The following TMCO4 variants were observed in gnomAD, a reference collection of about 807,000 sequenced individuals.
The protein encoded by TMCO4 is transmembrane and coiled-coil domains 4.
Under a neutral mutation model 64.7 loss-of-function variants are expected in TMCO4, and 58 were observed. The ratio of observed to expected loss-of-function variants is 0.90; its 90% CI spans 0.73 to 1.12. TMCO4 has a LOEUF of 1.12. TMCO4 is among the 50% of genes most tolerant of loss of function. TMCO4 has a pLI of 0.00. For synonymous variants in TMCO4, 325 were observed against 346.1 expected (o/e 0.94, Z 0.68); for missense variants, 780 against 825.9 (o/e 0.94, Z 0.68).
chr1:19,699,602 G>T (rs1347512245), intron 14 of TMCO4, among the ~76,000 whole-genome samples: 4 of 151,672 alleles, frequency 2.6e-5, no homozygotes, highest in Non-Finnish European at 5.9e-5. Context: ...ACTGCCACCT[G>T]GAGTACAGTG....
intron 10 of TMCO4, among the ~76,000 whole-genome samples, chr1:19,742,225 A>G (rs924563463): frequency 1.3e-5 from 2 of 152,038 alleles, no homozygotes; most frequent in African/African-American, 2.4e-5. Flanking sequence ...ACTTTTCCCC[A>G]TAAGTTCTTA....
At chr1:19,773,911 G>C (rs2043095249) in intron 4 of TMCO4, among the ~76,000 whole-genome samples, 2 of 152,264 alleles carry the variant, frequency 1.3e-5, no homozygotes, top group African/African-American at 2.4e-5. Flanking sequence ...ACCACCTGGG[G>C]GAGTCCTGGT....
intron 13 of TMCO4, among the ~76,000 whole-genome samples, chr1:19,706,786 A>G (rs1185109826): frequency 6.6e-6 from 1 of 152,098 alleles, no homozygotes; most frequent in Non-Finnish European, 1.5e-5. Context: ...TTTCTTTCCA[A>G]CACTTTCTTT....
In TMCO4 at chr1:19,732,518, ACCT is replaced by A. The variant is rs200791640; in HGVS notation, c.1264+4851_1264+4853del. Among the ~76,000 whole-genome samples, 3,290 of 151,724 alleles carry A rather than the reference ACCT, an allele frequency of 0.022. 40 individuals are homozygous for A. The highest frequency in any genetic ancestry group is 0.04 in the South Asian group (192 of 4,800). On this transcript the variant is annotated intron_variant, in intron 13 of 15. Transcript: ENST00000294543. This position sits in a 1 kb window ranked among gnomAD's most constrained non-coding sequence, Gnocchi z 4.8. ...CACAGGATGACCAGCGTCCTTTCTC[ACCT>A]CCTCTCTAGATGATCAATGAGGCAG...
chr1:19,740,640 G>A, intron 11 of TMCO4, 137 bp downstream of exon 11: 1 of 986,924 alleles, frequency 1.0e-6, no homozygotes, highest in Non-Finnish European at 1.5e-6. Context: ...CAGGAATGCG[G>A]CCTTAACCTC....
At chr1:19,772,346 A>AGT (rs1400231735) in intron 4 of TMCO4, among the ~76,000 whole-genome samples, 1 of 152,112 alleles carries the variant, frequency 6.6e-6, no homozygotes, top group African/African-American at 2.4e-5. Context: ...AAGTGGAAGA[A>AGT]GTGAAGGGAA....
At chr1:19,759,406 C>G (rs1026992564) in intron 6 of TMCO4, among the ~76,000 whole-genome samples, 1 of 152,178 alleles carries the variant, frequency 6.6e-6, no homozygotes, top group African/African-American at 2.4e-5. Flanking sequence ...ATCATCAATC[C>G]GGTCATGTTC....
intron 6 of TMCO4, among the ~76,000 whole-genome samples, chr1:19,763,410 GGA>G (rs1322558416): frequency 3.3e-5 from 5 of 152,168 alleles, no homozygotes; most frequent in Non-Finnish European, 5.9e-5. Context: ...TTTTGTTGAG[GGA>G]CAATAAGAGG....
rs1334056116 is a variant in TMCO4 at position 19,682,859 on chromosome 1, G to A, written c.*181C>T. The A allele has an allele frequency of 1.1e-5, 10 of 907,802 alleles. 1 individual carries two copies. Among genetic ancestry groups the A allele is most frequent in the Non-Finnish European group, 1.5e-5 (9 of 588,170 alleles). The allele number at this position is 907,802 out of a possible 1,614,324, so 56.2% of individuals were successfully genotyped here. ...GACAGGCAGCTTCCCAAGGGTGGGC[G>A]TGTTCTCTCCTCCAAATTCCCCTTC... On this transcript the variant is annotated 3_prime_UTR_variant, in exon 16 of 16. Coordinates refer to ENST00000294543, the MANE Select transcript of TMCO4 (RefSeq NM_181719.7).
intron 2 of TMCO4, among the ~76,000 whole-genome samples, chr1:19,794,766 T>C (rs968120288): frequency 6.6e-6 from 1 of 152,200 alleles, no homozygotes; most frequent in Non-Finnish European, 1.5e-5. Flanking sequence ...TACAGATGAA[T>C]AGATCAACAA....
rs145451823 is a variant in TMCO4 at position 19,700,968 on chromosome 1, T to A, written c.1265-83A>T. The A allele has an allele frequency of 5.3e-3, 5,674 of 1,064,400 alleles. 184 individuals are homozygous for A. In the Admixed American group the frequency reaches 0.069, roughly 13 times the overall value. The allele number at this position is 1,064,400 out of a possible 1,614,324, so 65.9% of individuals were successfully genotyped here. On this transcript the variant is annotated intron_variant, in intron 13 of 15. Coordinates refer to ENST00000294543, the MANE Select transcript of TMCO4 (RefSeq NM_181719.7). ...GGGACTCCAACAGCAGTGGAGGAGA[T>A]GAATGTCACACACATACACATGCAC...
rs561356035 is a variant in TMCO4, at chr1:19,736,129, A to G, written c.1264+1243T>C. Among the ~76,000 whole-genome samples, 17 of 152,338 alleles carry G rather than the reference A, an allele frequency of 1.1e-4. No individual in the cohort carries two copies. In the South Asian group the frequency reaches 3.3e-3, roughly 30 times the overall value. ...TGATCAGTTATTGCTGCTTTTGGCC[A>G]CCGTGTTTGGAGAGGCCGTTTTGCA... On this transcript the variant is annotated intron_variant, in intron 13 of 15. Coordinates refer to ENST00000294543, the MANE Select transcript of TMCO4 (RefSeq NM_181719.7).
intron 13 of TMCO4, among the ~76,000 whole-genome samples, chr1:19,731,315 T>C (rs1043666248): frequency 2.0e-5 from 3 of 152,232 alleles, no homozygotes; most frequent in African/African-American, 7.2e-5. Context: ...TCCCATTTAT[T>C]AACAGTTTCT....
chr1:19,740,044 T>A, intron 11 of TMCO4, 84 bp from the exon 12 acceptor site: 1 of 1,474,414 alleles, frequency 6.8e-7, no homozygotes, highest in Non-Finnish European at 9.1e-7. Context: ...GATGCTCAAA[T>A]AAATGCATGC....
chr1:19,701,984 CT>C, intron 13 of TMCO4, among the ~76,000 whole-genome samples: 1 of 151,942 alleles, frequency 6.6e-6, no homozygotes, highest in African/African-American at 2.4e-5. Context: ...TTATTTATTT[CT>C]TTGAGACAGA....
intron 2 of TMCO4, among the ~76,000 whole-genome samples, chr1:19,794,617 C>T (rs1234188405): frequency 1.3e-5 from 2 of 152,222 alleles, no homozygotes; most frequent in African/African-American, 4.8e-5. Context: ...CAAATTATAA[C>T]AGCACATGTT....
At chr1:19,684,058 G>A (rs1356545992) in intron 15 of TMCO4, among the ~76,000 whole-genome samples, 15 of 134,444 alleles carry the variant, frequency 1.1e-4, no homozygotes, top group African/African-American at 4.4e-4. Context: ...CACTGTGCCC[G>A]GCAGCTTTTT....
chr1:19,736,841 C>T (rs1203393082), intron 13 of TMCO4, among the ~76,000 whole-genome samples: 2 of 152,148 alleles, frequency 1.3e-5, no homozygotes, highest in African/African-American at 2.4e-5. Context: ...GTAAAAGGGT[C>T]GTTGCAGATA....
chr1:19,688,207 G>A (rs987331924), intron 15 of TMCO4, among the ~76,000 whole-genome samples: 4 of 152,110 alleles, frequency 2.6e-5, no homozygotes, highest in African/African-American at 7.2e-5. Flanking sequence ...ACCTGTCATC[G>A]TCACATGCTC....
Sources: gnomAD v4.1 joint callset for allele counts (sites outside exome capture counted in the v4.1 genomes callset) on GRCh38, gnomAD v4.1.1 for gene constraint, Gnocchi (gnomAD v3.1) non-coding constraint, MANE v1.5 for transcripts, NCBI Gene and HGNC (gene_info 2026-07-23, HGNC 2026-07-21) for gene names.